FOXJ3: variants seen among roughly 807,000 people sequenced by gnomAD.
The protein encoded by FOXJ3 is forkhead box J3.
Under a neutral mutation model 76.1 loss-of-function variants are expected in FOXJ3, and 22 were observed. That is an observed-to-expected ratio of 0.29 (90% CI 0.21 to 0.41). The LOEUF is 0.41. FOXJ3 is among the 10% of genes least tolerant of loss of function. The probability of loss-of-function intolerance (pLI) is 1.00; values close to 1 mark genes in which losing one functional copy is unlikely to be tolerated. For missense variants in FOXJ3, 613 were observed against 762.1 expected, an observed-to-expected ratio of 0.80 and a Z score of 2.30; for synonymous variants, 269 against 261.2, an observed-to-expected ratio of 1.03 and a Z score of -0.29.
chr1:42,307,926 A>G (rs553297810), intron 2 of FOXJ3, among the ~76,000 whole-genome samples: 2 of 152,372 alleles, frequency 1.3e-5, no homozygotes, highest in South Asian at 4.1e-4. Context: ...ACAAGGATCC[A>G]CTATCATCCA....
chr1:42,247,241 A>G (rs888063212), intron 4 of FOXJ3, among the ~76,000 whole-genome samples: 1 of 152,222 alleles, frequency 6.6e-6, no homozygotes, highest in Non-Finnish European at 1.5e-5. Context: ...TGATCATTAC[A>G]CATTCTATGT....
chr1:42,182,110 T>C (rs1054022044), intron 11 of FOXJ3, 86 bp from the exon 12 acceptor site: 1 of 710,722 alleles, frequency 1.4e-6, no homozygotes, highest in East Asian at 2.8e-5. Flanking sequence ...GAATTGTTAC[T>C]CTGAAAGTAA....
intron 6 of FOXJ3, among the ~76,000 whole-genome samples, chr1:42,202,263 T>C (rs1031171209): frequency 6.6e-6 from 1 of 152,234 alleles, no homozygotes; most frequent in Non-Finnish European, 1.5e-5. Context: ...TTATATTCCA[T>C]GTGTCTACAC....
chr1:42,257,906 C>T (rs916745948), intron 4 of FOXJ3, among the ~76,000 whole-genome samples: 1 of 152,152 alleles, frequency 6.6e-6, no homozygotes, highest in Admixed American at 6.5e-5. Flanking sequence ...TTTATGTCAA[C>T]ACAAAGTACC....
rs542524479 is a variant in FOXJ3, at chr1:42,257,441, C to A, written c.444+7674G>T. The stretch of plus-strand genomic sequence containing the variant: ...AGAAAATCCATCAGAAATGGCTGTG[C>A]ACAGCGGCTCACACCTGTAATCTCA... On this transcript the variant is annotated intron_variant, in intron 4 of 12. Transcript: ENST00000361346. Among the ~76,000 whole-genome samples the A allele has an allele frequency of 3.4e-4, 51 of 152,110 alleles. 1 individual carries two copies. Among genetic ancestry groups the A allele is most frequent in the Admixed American group, 3.3e-4 (5 of 15,268 alleles).
chr1:42,331,280 G>A (rs2124798256), intron 1 of FOXJ3, among the ~76,000 whole-genome samples: 1 of 152,206 alleles, frequency 6.6e-6, no homozygotes, highest in South Asian at 2.1e-4. Context: ...TACTGTGGAG[G>A]GTGAGGTGGG....
intron 4 of FOXJ3, among the ~76,000 whole-genome samples, chr1:42,237,677 A>G (rs935497451): frequency 1.3e-5 from 2 of 151,726 alleles, no homozygotes; most frequent in Non-Finnish European, 2.9e-5. Context: ...TGTGCTTTAT[A>G]TCTTTTTTTT....
At position 42,334,041 on chromosome 1, in the gene FOXJ3, G is replaced by A. The variant is rs113840438; in HGVS notation, c.-18+1018C>T. ...CTAACTCATTCAGGAATCCAACCAG[G>A]GACAACACAGACGTGGAATGCACCA... On this transcript the variant is annotated intron_variant, in intron 1 of 12. Transcript: ENST00000361346. 3.4e-5 allele frequency: 14 copies of A among 408,660 alleles called. 1 individual carries two copies. The highest frequency in any genetic ancestry group is 2.4e-4 in the African/African-American group (11 of 46,128). 25.3% of individuals were successfully genotyped at this position (408,660 alleles called of 1,614,324 possible).
At chr1:42,197,153 T>TC (rs2124250472) in intron 7 of FOXJ3, among the ~76,000 whole-genome samples, 1 of 152,242 alleles carries the variant, frequency 6.6e-6, no homozygotes, top group Admixed American at 6.5e-5. Context: ...CCAAACCCAT[T>TC]CCCTCAAAAC....
At chr1:42,233,837 T>C (rs1250251801) in intron 4 of FOXJ3, among the ~76,000 whole-genome samples, 2 of 148,204 alleles carry the variant, frequency 1.3e-5, no homozygotes, top group South Asian at 2.2e-4. Context: ...CTATGTTGAA[T>C]AGGAGTGGTG....
intron 1 of FOXJ3, among the ~76,000 whole-genome samples, chr1:42,325,230 T>A (rs2455079): frequency 0.74 from 111,982 of 152,160 alleles, 41,366 homozygotes; most frequent in Admixed American, 0.81. Flanking sequence ...TCAGTAACAA[T>A]TGCTCATTAG....
chr1:42,191,829 G>A (rs1018619592), intron 8 of FOXJ3, 110 bp from the exon 9 acceptor site: 3 of 1,149,148 alleles, frequency 2.6e-6, no homozygotes, highest in Middle Eastern at 2.1e-4. Context: ...AGCAACACTG[G>A]TTCAATTTAA....
intron 4 of FOXJ3, among the ~76,000 whole-genome samples, chr1:42,257,760 G>C (rs1364402555): frequency 1.4e-5 from 2 of 146,386 alleles, no homozygotes; most frequent in Non-Finnish European, 3.0e-5. Flanking sequence ...AGAAAGAAAA[G>C]AAAATGCATC....
intron 6 of FOXJ3, 68 bp from the exon 7 acceptor site, chr1:42,199,298 A>T (rs1646713463): frequency 1.4e-6 from 2 of 1,396,846 alleles, no homozygotes; most frequent in East Asian, 4.6e-5. Flanking sequence ...GCAAAAATAC[A>T]ATTGAGCAGG....
intron 1 of FOXJ3, among the ~76,000 whole-genome samples, chr1:42,327,917 G>A (rs554412001): frequency 6.6e-6 from 1 of 152,262 alleles, no homozygotes; most frequent in Middle Eastern, 3.4e-3. Flanking sequence ...AGAATAGCTG[G>A]CCAACTCTAT....
Position 42,261,391 on chromosome 1 carries a change from TTG to T in FOXJ3, c.444+3722_444+3723del, listed in dbSNP as rs148863138. ...AGTGGATGCAAAACTGAATTTCATT[TTG>T]TGTGTGTGTGTGTTTTTTTTAATAA... On this transcript the variant is annotated intron_variant, in intron 4 of 12. Coordinates refer to ENST00000361346, the MANE Select transcript of FOXJ3 (RefSeq NM_014947.5). 4.2e-3 allele frequency among the ~76,000 whole-genome samples: 639 copies of T among 151,898 alleles called. 4 individuals carry two copies. Among genetic ancestry groups the T allele is most frequent in the African/African-American group, 0.015 (619 of 41,430 alleles).
At chr1:42,259,944 G>T (rs1232029865) in intron 4 of FOXJ3, among the ~76,000 whole-genome samples, 4 of 152,120 alleles carry the variant, frequency 2.6e-5, no homozygotes, top group Non-Finnish European at 5.9e-5. Context: ...AAACTCTAAA[G>T]TCTCCCTTGG....
At chr1:42,305,776 T>C (rs1013791206) in intron 2 of FOXJ3, among the ~76,000 whole-genome samples, 4 of 151,822 alleles carry the variant, frequency 2.6e-5, no homozygotes, top group Admixed American at 6.6e-5. Context: ...ATAAAAGGAG[T>C]GACTAAGACC....
At chr1:42,205,715 T>C (rs561363735) in intron 6 of FOXJ3, 47 bp downstream of exon 6, 3 of 1,036,492 alleles carry the variant, frequency 2.9e-6, no homozygotes, top group African/African-American at 1.6e-5. Context: ...GCAAATTAAA[T>C]GTACTACTCA....
Sources: allele counts gnomAD v4.1 joint callset (sites outside exome capture counted in the v4.1 genomes callset), GRCh38; gene constraint gnomAD v4.1.1; transcripts MANE v1.5; gene names NCBI Gene and HGNC (gene_info 2026-07-23, HGNC 2026-07-21).